The following MGAT4C variants were observed in gnomAD, a reference collection of about 807,000 sequenced individuals.
The protein encoded by MGAT4C is MGAT4 family member C.
Under a neutral mutation model 40.1 loss-of-function variants are expected in MGAT4C, and 19 were observed. The ratio of observed to expected loss-of-function variants is 0.47; its 90% CI spans 0.33 to 0.70. The LOEUF is 0.70. Among genes scored for constraint, MGAT4C ranks in the 30% least tolerant of loss-of-function variants. MGAT4C has a pLI of 0.02. For missense variants in MGAT4C, 491 were observed against 563.2 expected (o/e 0.87, Z 1.30); for synonymous variants, 181 against 187.1 (o/e 0.97, Z 0.27).
At chr12:86,668,650 G>T (rs1357737201) in intron 2 of MGAT4C, among the ~76,000 whole-genome samples, 2 of 152,216 alleles carry the variant, frequency 1.3e-5, no homozygotes, top group African/African-American at 4.8e-5. Flanking sequence ...AGATTAGAGT[G>T]CCTGCTCTGG....
intron 2 of MGAT4C, among the ~76,000 whole-genome samples, chr12:86,008,402 C>A (rs1888114308): frequency 6.6e-6 from 1 of 151,748 alleles, no homozygotes. Context: ...ATAATTTTAT[C>A]TTTTTTCTAT....
intron 1 of MGAT4C, among the ~76,000 whole-genome samples, chr12:86,835,701 T>C (rs1953022621): frequency 6.6e-6 from 1 of 151,980 alleles, no homozygotes. Flanking sequence ...CCAAGTGATT[T>C]CCCAAACTAG....
At chr12:86,258,058 C>T (rs1228166230), upstream of MGAT4C, among the ~76,000 whole-genome samples, 2 of 151,710 alleles carry the variant, frequency 1.3e-5, no homozygotes, top group African/African-American at 2.4e-5. Context: ...CAATCAAATG[C>T]GTTAATTTTA....
intron 1 of MGAT4C, among the ~76,000 whole-genome samples, chr12:86,223,238 A>T (rs1220220436): frequency 6.6e-6 from 1 of 152,192 alleles, no homozygotes; most frequent in Non-Finnish European, 1.5e-5. Context: ...ACCAAACTGC[A>T]TTCCCACAGC....
intron 2 of MGAT4C, among the ~76,000 whole-genome samples, chr12:86,653,765 G>C (rs1187661658): frequency 6.6e-6 from 1 of 150,848 alleles, no homozygotes; most frequent in Non-Finnish European, 1.5e-5. Flanking sequence ...TTCTATTCAG[G>C]ATATATATAT....
Position 86,738,000 on chromosome 12 carries a change from A to G in MGAT4C, c.-261-10759T>C, listed in dbSNP as rs185202796. Among the ~76,000 whole-genome samples the G allele has an allele frequency of 2.0e-3, 299 of 151,622 alleles. 1 individual carries two copies. The highest frequency in any genetic ancestry group is 2.3e-3 in the East Asian group (12 of 5,146). ...TAAACTTAGGACAGATCACAATACCACACTACTGAAAAGGCTTTAATTGAT... is the reference window on the plus strand; with the variant it reads ...TAAACTTAGGACAGATCACAATACCGCACTACTGAAAAGGCTTTAATTGAT... On this transcript the variant is annotated intron_variant, in intron 1 of 7. Transcript: ENST00000548651.
chr12:86,805,148 ATTGT>A (rs894201708), intron 1 of MGAT4C, among the ~76,000 whole-genome samples: 2 of 151,978 alleles, frequency 1.3e-5, no homozygotes, highest in South Asian at 2.1e-4. Context: ...ATAATATGAT[ATTGT>A]TTGTTTAATG....
At chr12:86,542,266 C>T (rs1959172002) in intron 2 of MGAT4C, among the ~76,000 whole-genome samples, 1 of 152,146 alleles carries the variant, frequency 6.6e-6, no homozygotes, top group African/African-American at 2.4e-5. Context: ...GACTGATATT[C>T]ATGATGTGGA....
At chr12:86,412,400 A>C (rs987227854) in intron 3 of MGAT4C, among the ~76,000 whole-genome samples, 3 of 152,284 alleles carry the variant, frequency 2.0e-5, no homozygotes, top group Admixed American at 6.5e-5. Context: ...TGGGAGCCCA[A>C]CTCTTGGTTC....
intron 3 of MGAT4C, among the ~76,000 whole-genome samples, chr12:86,400,213 G>A (rs1053361155): frequency 1.3e-5 from 2 of 152,222 alleles, no homozygotes; most frequent in Admixed American, 1.3e-4. Flanking sequence ...TGTGGTGTGA[G>A]AACAGAGGGG....
intron 2 of MGAT4C, among the ~76,000 whole-genome samples, chr12:86,489,952 G>A (rs1264431235): frequency 6.6e-6 from 1 of 152,082 alleles, no homozygotes; most frequent in Non-Finnish European, 1.5e-5. Flanking sequence ...TCTAATTGGT[G>A]TACCTGAAAG....
At chr12:86,751,446 A>G (rs2217235) in intron 1 of MGAT4C, among the ~76,000 whole-genome samples, 72,005 of 151,804 alleles carry the variant, frequency 0.47, 17,345 homozygotes, top group African/African-American at 0.52. Flanking sequence ...GAACAAAATC[A>G]AAGAAGATTA....
At chr12:86,328,177 C>A (rs536131451) in intron 4 of MGAT4C, among the ~76,000 whole-genome samples, 1 of 152,140 alleles carries the variant, frequency 6.6e-6, no homozygotes, top group South Asian at 2.1e-4. Context: ...CCATTAGTAA[C>A]ATTAATATAC....
intron 2 of MGAT4C, among the ~76,000 whole-genome samples, chr12:86,559,007 A>G (rs1054702344): frequency 6.6e-6 from 1 of 152,024 alleles, no homozygotes; most frequent in Admixed American, 6.6e-5. Flanking sequence ...CAGACAGTCT[A>G]TGCAATTGGA....
intron 4 of MGAT4C, among the ~76,000 whole-genome samples, chr12:86,312,870 C>T (rs1453807915): frequency 6.6e-6 from 1 of 152,088 alleles, no homozygotes; most frequent in Non-Finnish European, 1.5e-5. Flanking sequence ...GCTGAGTGCC[C>T]TGCAGTAGCA....
intron 1 of MGAT4C, among the ~76,000 whole-genome samples, chr12:86,223,920 G>A (rs990646878): frequency 6.6e-6 from 1 of 152,144 alleles, no homozygotes; most frequent in Non-Finnish European, 1.5e-5. Context: ...GTGTTCCAGT[G>A]AGTTGCTCCA....
chr12:86,736,851 G>A (rs1008337595), intron 1 of MGAT4C, among the ~76,000 whole-genome samples: 9 of 151,276 alleles, frequency 5.9e-5, no homozygotes, highest in Non-Finnish European at 1.2e-4. Context: ...TATTAGCATG[G>A]ACTGGACCCT....
intron 2 of MGAT4C, among the ~76,000 whole-genome samples, chr12:86,040,996 T>C (rs902281638): frequency 2.0e-5 from 3 of 152,140 alleles, no homozygotes; most frequent in Non-Finnish European, 4.4e-5. Context: ...CAACTCACCC[T>C]CCTTGGGCTG....
intron 1 of MGAT4C, among the ~76,000 whole-genome samples, chr12:86,816,344 T>A (rs1235018527): frequency 6.6e-6 from 1 of 151,880 alleles, no homozygotes; most frequent in Non-Finnish European, 1.5e-5. Context: ...ACGTTACAAG[T>A]TTGTTTAAAT....
Sources: allele counts gnomAD v4.1 joint callset (sites outside exome capture counted in the v4.1 genomes callset), GRCh38; gene constraint gnomAD v4.1.1; transcripts MANE v1.5; gene names NCBI Gene and HGNC (gene_info 2026-07-23, HGNC 2026-07-21).